CXCL13: variants seen among roughly 807,000 people sequenced by gnomAD.
The protein encoded by CXCL13 is C-X-C motif chemokine ligand 13.
Under a neutral mutation model 12.2 loss-of-function variants are expected in CXCL13, and 7 were observed. That is an observed-to-expected ratio of 0.57 (90% CI 0.33 to 1.07). CXCL13 has a LOEUF of 1.07. Among genes scored for constraint, CXCL13 ranks in the 50% least tolerant of loss-of-function variants. The pLI, the probability that CXCL13 is intolerant of heterozygous loss-of-function variation, is 0.04. For synonymous variants in CXCL13, 47 were observed against 42.4 expected (o/e 1.11, Z -0.42); for missense variants, 113 against 127.4 (o/e 0.89, Z 0.55).
At chr4:77,562,436 G>A (rs1381750416) in intron 1 of CXCL13, among the ~76,000 whole-genome samples, 2 of 152,040 alleles carry the variant, frequency 1.3e-5, no homozygotes, top group Non-Finnish European at 2.9e-5. Flanking sequence ...GAACCTTTAT[G>A]TCTAGCTAAG....
chr4:77,601,562 A>G (rs1337844220), upstream of CXCL13, among the ~76,000 whole-genome samples: 1 of 152,206 alleles, frequency 6.6e-6, no homozygotes, highest in African/African-American at 2.4e-5. Flanking sequence ...TAACCAGAGA[A>G]CTCTGGAGTC....
chr4:77,604,280 T>A (rs1166287895), upstream of CXCL13, among the ~76,000 whole-genome samples: 4 of 152,152 alleles, frequency 2.6e-5, no homozygotes, highest in East Asian at 5.8e-4. Flanking sequence ...CCCACTGAGC[T>A]GTTGTAGACT....
At chr4:77,597,495 T>TGAGTGAATC (rs1726791327) in intron 1 of CXCL13, among the ~76,000 whole-genome samples, 1 of 152,182 alleles carries the variant, frequency 6.6e-6, no homozygotes, top group Admixed American at 6.5e-5. Flanking sequence ...CTTTGTGCCA[T>TGAGTGAATC]GAGTGAATCT....
At chr4:77,575,028 T>G (rs1037207441) in intron 1 of CXCL13, among the ~76,000 whole-genome samples, 2 of 151,948 alleles carry the variant, frequency 1.3e-5, no homozygotes, top group African/African-American at 2.4e-5. Flanking sequence ...GTGAAAATAT[T>G]GTAAAAATTA....
At chr4:77,581,469 T>C (rs1257909883) in intron 1 of CXCL13, among the ~76,000 whole-genome samples, 1 of 152,188 alleles carries the variant, frequency 6.6e-6, no homozygotes. Context: ...TGGCTCTATA[T>C]TCCTGCATGG....
At chr4:77,534,503 T>A (rs564300804) in intron 1 of CXCL13, among the ~76,000 whole-genome samples, 3 of 152,378 alleles carry the variant, frequency 2.0e-5, no homozygotes, top group Admixed American at 2.0e-4. Flanking sequence ...TTACATATTG[T>A]GTGATTCCAC....
chr4:77,592,357 C>T (rs1578069218), intron 1 of CXCL13, among the ~76,000 whole-genome samples: 1 of 151,978 alleles, frequency 6.6e-6, no homozygotes, highest in African/African-American at 2.4e-5. Context: ...TTCTCACTTA[C>T]ATGTGGAATC....
chr4:77,568,138 G>A (rs907474230), intron 1 of CXCL13, among the ~76,000 whole-genome samples: 19 of 152,106 alleles, frequency 1.2e-4, no homozygotes, highest in African/African-American at 4.6e-4. Context: ...ACCTCCCCTT[G>A]GACTCCAAAT....
chr4:77,535,997 A>G (rs1367008430), intron 1 of CXCL13, among the ~76,000 whole-genome samples: 1 of 152,186 alleles, frequency 6.6e-6, no homozygotes, highest in Non-Finnish European at 1.5e-5. Flanking sequence ...GCAGTAATAG[A>G]TAACTATGAT....
chr4:77,609,388 C>T (rs751833242), intron 2 of CXCL13, among the ~76,000 whole-genome samples: 16 of 152,096 alleles, frequency 1.1e-4, no homozygotes, highest in Non-Finnish European at 1.6e-4. Flanking sequence ...TCATGGCTCA[C>T]TGCAGCCTCA....
chr4:77,539,654 C>G (rs1725152754), intron 1 of CXCL13, among the ~76,000 whole-genome samples: 1 of 152,206 alleles, frequency 6.6e-6, no homozygotes, highest in Non-Finnish European at 1.5e-5. Flanking sequence ...TTAAACTCCA[C>G]CATTTTAATG....
At chr4:77,554,498 T>C (rs1725613847) in intron 1 of CXCL13, among the ~76,000 whole-genome samples, 1 of 152,232 alleles carries the variant, frequency 6.6e-6, no homozygotes, top group South Asian at 2.1e-4. Context: ...CAGTAATACT[T>C]GGGAATTTCA....
chr4:77,590,575 T>TAA, intron 1 of CXCL13, among the ~76,000 whole-genome samples: 1 of 152,230 alleles, frequency 6.6e-6, no homozygotes, highest in East Asian at 1.9e-4. Context: ...TCCATGGACA[T>TAA]AAGTCACATG....
chr4:77,567,994 C>A (rs570788372), intron 1 of CXCL13, among the ~76,000 whole-genome samples: 1 of 152,306 alleles, frequency 6.6e-6, no homozygotes, highest in East Asian at 1.9e-4. Context: ...TTTCACTTTA[C>A]TCTGTCCACT....
At chr4:77,596,403 A>G (rs1726749607) in intron 1 of CXCL13, among the ~76,000 whole-genome samples, 1 of 152,232 alleles carries the variant, frequency 6.6e-6, no homozygotes, top group African/African-American at 2.4e-5. Context: ...ATTTTGGAAA[A>G]TAGTATGGAG....
intron 1 of CXCL13, among the ~76,000 whole-genome samples, chr4:77,562,517 T>C (rs950317497): frequency 1.3e-5 from 2 of 152,082 alleles, no homozygotes; most frequent in Non-Finnish European, 2.9e-5. Flanking sequence ...CAGCATTCTG[T>C]ATCTGGCTAA....
At chr4:77,561,846 G>A (rs550679989) in intron 1 of CXCL13, among the ~76,000 whole-genome samples, 19 of 152,316 alleles carry the variant, frequency 1.2e-4, no homozygotes, top group Middle Eastern at 3.4e-3. Flanking sequence ...TGGGCTGGCC[G>A]AGGCTGGAGC....
intron 1 of CXCL13, among the ~76,000 whole-genome samples, chr4:77,586,383 A>T (rs1726459710): frequency 6.6e-6 from 1 of 152,122 alleles, no homozygotes; most frequent in South Asian, 2.1e-4. Flanking sequence ...TGTTGGCAGG[A>T]TGGTTCTTTC....
chr4:77,576,248 ATG>A (rs1297103241), intron 1 of CXCL13, among the ~76,000 whole-genome samples: 2 of 149,430 alleles, frequency 1.3e-5, no homozygotes, highest in South Asian at 4.1e-4. Context: ...AACTGAAGTA[ATG>A]TTTTTTGCTT....
Sources: allele counts gnomAD v4.1 joint callset (sites outside exome capture counted in the v4.1 genomes callset), GRCh38; gene constraint gnomAD v4.1.1; transcripts MANE v1.5; gene names NCBI Gene and HGNC (gene_info 2026-07-23, HGNC 2026-07-21).